Variants in PLXNA4 observed in about 807,000 individuals in gnomAD.
The protein encoded by PLXNA4 is plexin A4.
PLXNA4 carries 44 observed loss-of-function variants against 191.8 expected under a neutral mutation model. The ratio of observed to expected loss-of-function variants is 0.23; its 90% CI spans 0.18 to 0.29. The LOEUF (loss-of-function observed/expected upper bound fraction) is 0.29. Ranked by LOEUF, PLXNA4 falls within the 10% of genes least tolerant of loss-of-function variation. PLXNA4 has a pLI of 1.00. For missense variants in PLXNA4, 1,800 were observed against 2,488.8 expected, an observed-to-expected ratio of 0.72 and a Z score of 5.89; for synonymous variants, 1,082 against 1,009.5, an observed-to-expected ratio of 1.07 and a Z score of -1.36.
chr7:132,580,490 T>C (rs189256001), upstream of PLXNA4, among the ~76,000 whole-genome samples: 7 of 152,252 alleles, frequency 4.6e-5, no homozygotes, highest in East Asian at 1.4e-3. Flanking sequence ...TCTGGACCCA[T>C]GGCCACAAGA....
intron 3 of PLXNA4, among the ~76,000 whole-genome samples, chr7:132,389,018 A>T (rs1315393549): frequency 6.6e-6 from 1 of 152,224 alleles, no homozygotes; most frequent in African/African-American, 2.4e-5. Context: ...ACTGATGACC[A>T]GTGATGATGA....
At chr7:132,468,453 T>A (rs1411234142) in intron 3 of PLXNA4, among the ~76,000 whole-genome samples, 180 of 152,204 alleles carry the variant, frequency 1.2e-3, no homozygotes, top group Non-Finnish European at 1.5e-5. Context: ...AAGGAAAAAA[T>A]TCTCATCTCA....
At chr7:132,275,783 T>G (rs1435285346) in intron 4 of PLXNA4, among the ~76,000 whole-genome samples, 1 of 152,238 alleles carries the variant, frequency 6.6e-6, no homozygotes, top group African/African-American at 2.4e-5. Flanking sequence ...GTCACCCCCA[T>G]GCATGTGACA....
chr7:132,516,212 T>C (rs1448016057), intron 1 of PLXNA4, among the ~76,000 whole-genome samples: 1 of 149,642 alleles, frequency 6.7e-6, no homozygotes, highest in East Asian at 1.9e-4. Context: ...AAATACTCCA[T>C]TTTGTCCTTT....
intron 4 of PLXNA4, among the ~76,000 whole-genome samples, chr7:132,279,869 A>C (rs1006703046): frequency 2.6e-5 from 4 of 152,178 alleles, no homozygotes; most frequent in African/African-American, 9.6e-5. Flanking sequence ...TGGGAGCCGG[A>C]CGCCCAAAGC....
chr7:132,204,306 C>T (rs1479555083), intron 10 of PLXNA4, among the ~76,000 whole-genome samples: 1 of 152,194 alleles, frequency 6.6e-6, no homozygotes, highest in Non-Finnish European at 1.5e-5. Flanking sequence ...ATAGCAGACC[C>T]CTCTCAGTCT....
rs144105283 is a variant in PLXNA4, at chr7:132,426,128, G to C, written c.1371+63164C>G. On this transcript the variant is annotated intron_variant, in intron 3 of 31. Transcript: ENST00000321063. ...GGGGAAAGAGGGCCTCTCCCAGGGG[G>C]AGATCAGTGTACAACTGGAGGAGTG... is the stretch of plus-strand genomic sequence containing the variant. 1.9e-3 allele frequency among the ~76,000 whole-genome samples: 284 copies of C among 152,298 alleles called. 5 individuals are homozygous for C. Among genetic ancestry groups the C allele is most frequent in the Middle Eastern group, 3.4e-3 (1 of 294 alleles).
intron 30 of PLXNA4, among the ~76,000 whole-genome samples, chr7:132,135,398 G>A (rs1413536943): frequency 1.3e-5 from 2 of 152,216 alleles, no homozygotes; most frequent in Non-Finnish European, 2.9e-5. Context: ...AAAGACTCCT[G>A]TAATTTCTCT....
chr7:132,595,592 C>T (rs1277069596), intron 2 of PLXNA4, among the ~76,000 whole-genome samples: 1 of 152,194 alleles, frequency 6.6e-6, no homozygotes, highest in Non-Finnish European at 1.5e-5. Context: ...ACTTTCACAA[C>T]ACCCAGGCAC....
At chr7:132,165,055 G>C in intron 23 of PLXNA4, 79 bp downstream of exon 23, 2 of 1,548,038 alleles carry the variant, frequency 1.3e-6, no homozygotes, top group Non-Finnish European at 8.8e-7. Flanking sequence ...GGGAGGACTC[G>C]GGGGTGTGGA....
intron 3 of PLXNA4, among the ~76,000 whole-genome samples, chr7:132,331,690 G>C (rs1017223223): frequency 6.6e-6 from 1 of 152,040 alleles, no homozygotes; most frequent in African/African-American, 2.4e-5. Flanking sequence ...TATTGCTCTC[G>C]GGCTTTCCTT....
At chr7:132,636,164 C>T (rs757863871) in intron 2 of PLXNA4, among the ~76,000 whole-genome samples, 30 of 152,178 alleles carry the variant, frequency 2.0e-4, no homozygotes, top group Non-Finnish European at 3.5e-4. Context: ...CATCCAATAC[C>T]CAGGTTGGCT....
chr7:132,550,210 C>T (rs906027734), intron 1 of PLXNA4, among the ~76,000 whole-genome samples: 1 of 152,176 alleles, frequency 6.6e-6, no homozygotes, highest in Non-Finnish European at 1.5e-5. Context: ...CCCCTGACCC[C>T]CACAGCATGG....
chr7:132,198,641 A>AG lies in PLXNA4; in HGVS notation c.2587-6dup. On this transcript the variant is annotated splice_region_variant and splice_polypyrimidine_tract_variant and intron_variant, in intron 12 of 31. Transcript: ENST00000321063. Reference sequence around the variant, plus strand: ...GGGGCCTGTCACCGGGATTATCTGGAGGGAGGAAGAGAAATAATTAGACAA... The same window carrying AG: ...GGGGCCTGTCACCGGGATTATCTGGAGGGGAGGAAGAGAAATAATTAGACAA... 1 of 1,613,788 alleles carries AG rather than the reference A, an allele frequency of 6.2e-7. No individual in the cohort carries two copies.
intron 2 of PLXNA4, among the ~76,000 whole-genome samples, chr7:132,495,601 T>G (rs773172228): frequency 5.3e-5 from 8 of 152,146 alleles, no homozygotes; most frequent in Non-Finnish European, 2.9e-5. Flanking sequence ...GGGCAACTCC[T>G]GTGGTCCAGG....
intron 25 of PLXNA4, among the ~76,000 whole-genome samples, chr7:132,150,254 G>A (rs995198195): frequency 3.9e-5 from 6 of 152,194 alleles, no homozygotes; most frequent in African/African-American, 1.4e-4. Context: ...GTTTTTGCTT[G>A]TTATTGTGTT....
chr7:132,158,322 G>C (rs944818069), intron 25 of PLXNA4, among the ~76,000 whole-genome samples: 1 of 152,150 alleles, frequency 6.6e-6, no homozygotes, highest in Non-Finnish European at 1.5e-5. Flanking sequence ...ATAGATGCCC[G>C]TCTGTCTTGG....
intron 3 of PLXNA4, among the ~76,000 whole-genome samples, chr7:132,459,411 C>G (rs933875494): frequency 6.6e-6 from 1 of 152,090 alleles, no homozygotes; most frequent in Non-Finnish European, 1.5e-5. Context: ...TCAAGAGGAG[C>G]TGGATGCAAG....
chr7:132,305,396 A>ACACG (rs1554409835), intron 3 of PLXNA4, among the ~76,000 whole-genome samples: 1 of 149,868 alleles, frequency 6.7e-6, no homozygotes, highest in South Asian at 2.1e-4. Flanking sequence ...ACACACACAC[A>ACACG]CACACACACA....
Sources: allele counts gnomAD v4.1 joint callset (sites outside exome capture counted in the v4.1 genomes callset), GRCh38; gene constraint gnomAD v4.1.1; transcripts MANE v1.5; gene names NCBI Gene and HGNC (gene_info 2026-07-23, HGNC 2026-07-21).